Variants in RIPK1 observed in about 807,000 individuals in gnomAD.
The protein encoded by RIPK1 is receptor-interacting serine/threonine-protein kinase 1.
In RIPK1, 27 loss-of-function variants were observed where a neutral mutation model predicts 62.4. The ratio of observed to expected loss-of-function variants is 0.43; its 90% CI spans 0.32 to 0.60. The LOEUF is 0.60. Ranked by LOEUF, RIPK1 falls within the 20% of genes least tolerant of loss-of-function variation. The probability of loss-of-function intolerance (pLI) is 0.07; values close to 1 mark genes in which losing one functional copy is unlikely to be tolerated. For missense variants in RIPK1, 735 were observed against 831.0 expected (o/e 0.88, Z 1.42); for synonymous variants, 287 against 303.2 (o/e 0.95, Z 0.55).
chr6:3,106,034 G>A lies in RIPK1; in HGVS notation c.1559G>A (p.Ser520Asn), dbSNP rs769646757. Residue 520 changes from serine to asparagine, a missense_variant, in exon 9 of 11, where the codon AGC becomes AAC. Transcript: ENST00000259808. ...GGAAATACACCCACCATGCCATTCA[G>A]CTCCTTGCCACCAACAGGTAAATGG... The part of the protein sequence containing the change: ...YLGNTPTMPF[S>N]SLPPTDESIK... 7 of 1,604,688 alleles carry A rather than the reference G, an allele frequency of 4.4e-6. No homozygotes were observed. Among genetic ancestry groups the A allele is most frequent in the Non-Finnish European group, 5.1e-6 (6 of 1,173,356 alleles).
Position 3,113,123 on chromosome 6 carries a change from CTG to C in RIPK1, c.1803_1804del (p.Ala602ProfsTer2). On this transcript the variant is annotated frameshift_variant, in exon 11 of 11. Transcript: ENST00000259808. LOFTEE classifies it high-confidence loss of function. The surrounding 1 kb of genome is among the most constrained non-coding windows in gnomAD (Gnocchi z 5.0). ...AAAATCTGGGAAAGCACTGGAAAAA[CTG>C]TGCCCGTAAACTGGGCTTCACACAG... Reference protein sequence around the residue: ...RENLGKHWKNCARKLGFTQSQ... With the variant: ...RENLGKHWKNXARKLGFTQSQ... The C allele has an allele frequency of 1.2e-6, 2 of 1,608,306 alleles. No individual in the cohort carries two copies. The highest frequency in any genetic ancestry group is 1.7e-6 in the Non-Finnish European group (2 of 1,175,490).
At chr6:3,094,080 C>CCTACCTGCTGCACCTAGTAACCGCAGCGT (rs1561765115) in intron 7 of RIPK1, among the ~76,000 whole-genome samples, 1 of 126,394 alleles carries the variant, frequency 7.9e-6, no homozygotes, top group African/African-American at 4.7e-5. Context: ...AACTGCAGCG[C>CCTACCTGCTGCACCTAGTAACCGCAGCGT]GCCTACCTCC....
At chr6:3,073,932 C>A (rs1214628921) in intron 1 of RIPK1, among the ~76,000 whole-genome samples, 1 of 152,260 alleles carries the variant, frequency 6.6e-6, no homozygotes, top group East Asian at 1.9e-4. Flanking sequence ...TTCTCCATCT[C>A]CTTTCCCGTC....
chr6:3,070,460 CAG>C (rs1382505486), intron 1 of RIPK1, among the ~76,000 whole-genome samples: 3 of 152,146 alleles, frequency 2.0e-5, no homozygotes, highest in Non-Finnish European at 4.4e-5. Context: ...ATTTTTGAGA[CAG>C]AGTCTTGCTC....
intron 6 of RIPK1, among the ~76,000 whole-genome samples, chr6:3,089,125 G>A (rs1048992175): frequency 6.6e-6 from 1 of 152,172 alleles, no homozygotes; most frequent in African/African-American, 2.4e-5. Context: ...AAAAAAGTAT[G>A]TCCACTCCAT....
chr6:3,105,371 A>G lies in RIPK1; in HGVS notation c.1007-111A>G. On this transcript the variant is annotated intron_variant, in intron 8 of 10. Coordinates refer to ENST00000259808, the MANE Select transcript of RIPK1 (RefSeq NM_001354930.2). This position sits in a 1 kb window ranked among gnomAD's most constrained non-coding sequence, Gnocchi z 4.5. ...CCTAAATGCTTTGGACTGGTCTCGT[A>G]CTTGTTTTCTGTGTGTTACTTTGAG... 1.2e-6 allele frequency: 1 copy of G among 824,606 alleles called. No homozygotes were observed. The highest frequency in any genetic ancestry group is 2.0e-6 in the Non-Finnish European group (1 of 511,344). The allele number at this position is 824,606 out of a possible 1,614,324, so 51.1% of individuals were successfully genotyped here.
chr6:3,075,221 G>C (rs994436677), intron 1 of RIPK1, among the ~76,000 whole-genome samples: 17 of 152,178 alleles, frequency 1.1e-4, no homozygotes, highest in African/African-American at 4.1e-4. Flanking sequence ...CCAGTGTTTG[G>C]TGTATTAGTC....
At chr6:3,065,684 C>G (rs1758350360), upstream of RIPK1, among the ~76,000 whole-genome samples, 1 of 152,148 alleles carries the variant, frequency 6.6e-6, no homozygotes, top group Non-Finnish European at 1.5e-5. Context: ...AGACCTACCC[C>G]CTCATATTCA....
chr6:3,066,052 G>T (rs910177021), upstream of RIPK1, among the ~76,000 whole-genome samples: 5 of 152,006 alleles, frequency 3.3e-5, no homozygotes, highest in African/African-American at 1.2e-4. Flanking sequence ...ATTGTTTTTT[G>T]AGACGGAGTC....
intron 7 of RIPK1, among the ~76,000 whole-genome samples, chr6:3,102,978 T>G (rs1760666047): frequency 6.6e-6 from 1 of 152,156 alleles, no homozygotes; most frequent in Admixed American, 6.6e-5. Flanking sequence ...TGCACAAGGA[T>G]TCTAATTTCT....
Position 3,105,961 on chromosome 6 carries a change from C to T in RIPK1, c.1486C>T (p.His496Tyr), listed in dbSNP as rs762314868. The T allele has an allele frequency of 6.2e-7, 1 of 1,614,066 alleles. No individual in the cohort carries two copies. Among genetic ancestry groups the T allele is most frequent in the South Asian group, 1.1e-5 (1 of 91,076 alleles). ...PRVWYRPIPS[H>Y]MPSLHNIPVP... is the part of the protein sequence containing the mutation. ...AGTTTGGTACAGGCCAATTCCAAGT[C>T]ATATGCCTAGTCTGCATAATATCCC... Residue 496 changes from histidine to tyrosine, a missense_variant, in exon 9 of 11, where the codon CAT (histidine) becomes TAT (tyrosine). His to Tyr is a moderately conservative substitution (Grantham distance 83). Around this residue, in one of 2 missense-constraint regions of RIPK1, gnomAD observed 671 missense variants for 726.2 expected, o/e 0.92. Coordinates refer to ENST00000259808, the MANE Select transcript of RIPK1 (RefSeq NM_001354930.2). This position sits in a 1 kb window ranked among gnomAD's most constrained non-coding sequence, Gnocchi z 4.5.
intron 7 of RIPK1, among the ~76,000 whole-genome samples, chr6:3,102,942 C>T (rs1346860894): frequency 6.6e-6 from 1 of 152,156 alleles, no homozygotes; most frequent in African/African-American, 2.4e-5. Context: ...ATGGTAGCTA[C>T]ACCATTTTAT....
At chr6:3,089,911 T>C (rs949046757) in intron 7 of RIPK1, among the ~76,000 whole-genome samples, 2 of 152,196 alleles carry the variant, frequency 1.3e-5, no homozygotes, top group African/African-American at 2.4e-5. Context: ...CTGGCAAAGA[T>C]TGGAAAGTAC....
chr6:3,101,296 C>A (rs1467223207), intron 7 of RIPK1, among the ~76,000 whole-genome samples: 2 of 152,062 alleles, frequency 1.3e-5, no homozygotes, highest in Non-Finnish European at 2.9e-5. Flanking sequence ...TAATTAAAAA[C>A]AATAAACATA....
At chr6:3,094,327 T>C (rs568048690) in intron 7 of RIPK1, among the ~76,000 whole-genome samples, 25 of 152,316 alleles carry the variant, frequency 1.6e-4, no homozygotes, top group East Asian at 7.7e-4. Flanking sequence ...TTTAAAAGGA[T>C]TGTAATCATA....
Position 3,105,431 on chromosome 6 carries a change from A to T in RIPK1, c.1007-51A>T. ...CATGACGGCGCTCAGATTTTATTTT[A>T]CTTTTTAATGTTTCATGACACCCAT... is the stretch of plus-strand genomic sequence containing the variant. On this transcript the variant is annotated intron_variant, in intron 8 of 10. Transcript: ENST00000259808. The surrounding 1 kb of genome is among the most constrained non-coding windows in gnomAD (Gnocchi z 4.5). 7.3e-7 allele frequency: 1 copy of T among 1,373,580 alleles called. No individual in the cohort carries two copies. Among genetic ancestry groups the T allele is most frequent in the Non-Finnish European group, 9.9e-7 (1 of 1,006,576 alleles). The allele number at this position is 1,373,580 out of a possible 1,614,324, so 85.1% of individuals were successfully genotyped here.
At chr6:3,073,179 C>G (rs1383624203) in intron 1 of RIPK1, among the ~76,000 whole-genome samples, 1 of 151,482 alleles carries the variant, frequency 6.6e-6, no homozygotes, top group East Asian at 1.9e-4. Context: ...TATATATCTA[C>G]ATATACAATA....
Position 3,113,032 on chromosome 6 carries a change from C to T in RIPK1, c.1730-21C>T, listed in dbSNP as rs771349477. Reference sequence around the variant, plus strand: ...TGAATGGGTTTTAGCTTGATACCTTCTTCTTTTTCCCATTTGGCAGATAAT... The same window carrying T: ...TGAATGGGTTTTAGCTTGATACCTTTTTCTTTTTCCCATTTGGCAGATAAT... On this transcript the variant is annotated intron_variant, in intron 10 of 10. Coordinates refer to ENST00000259808, the MANE Select transcript of RIPK1 (RefSeq NM_001354930.2). This position sits in a 1 kb window ranked among gnomAD's most constrained non-coding sequence, Gnocchi z 5.0. The T allele has an allele frequency of 6.6e-7, 1 of 1,515,310 alleles. No homozygotes were observed. Among genetic ancestry groups the T allele is most frequent in the African/African-American group, 1.4e-5 (1 of 71,728 alleles). The allele number at this position is 1,515,310 out of a possible 1,614,324, so 93.9% of individuals were successfully genotyped here.
At chr6:3,102,209 T>C (rs1309513449) in intron 7 of RIPK1, among the ~76,000 whole-genome samples, 1 of 152,174 alleles carries the variant, frequency 6.6e-6, no homozygotes, top group East Asian at 1.9e-4. Context: ...TCCTCCAAAA[T>C]CTGAAACGTT....
Sources: allele counts gnomAD v4.1 joint callset (sites outside exome capture counted in the v4.1 genomes callset), GRCh38; gene constraint gnomAD v4.1.1; regional missense constraint gnomAD v4.1.1; non-coding constraint Gnocchi (gnomAD v3.1); transcripts MANE v1.5; gene names NCBI Gene and HGNC (gene_info 2026-07-23, HGNC 2026-07-21).